Variants in USP34 observed in about 807,000 individuals in gnomAD.
USP34 encodes the protein ubiquitin carboxyl-terminal hydrolase 34.
USP34 carries 70 observed loss-of-function variants against 460.3 expected under a neutral mutation model. The ratio of observed to expected loss-of-function variants is 0.15; its 90% CI spans 0.13 to 0.19. USP34 has a LOEUF of 0.19. USP34 is among the 10% of genes least tolerant of loss of function. The pLI is 1.00. For missense variants in USP34, 3,985 were observed against 4,236.2 expected (o/e 0.94, Z 1.65); for synonymous variants, 1,647 against 1,405.3 (o/e 1.17, Z -3.85).
chr2:61,213,954 G>C, intron 68 of USP34, 106 bp downstream of exon 68: 1 of 1,325,948 alleles, frequency 7.5e-7, no homozygotes, highest in East Asian at 2.4e-5. Flanking sequence ...TCTTAAGAAA[G>C]AATGGTGAGA....
At chr2:61,460,754 G>T (rs1027717313) in intron 1 of USP34, among the ~76,000 whole-genome samples, 1 of 152,134 alleles carries the variant, frequency 6.6e-6, no homozygotes, top group African/African-American at 2.4e-5. Flanking sequence ...GGAGGCCGAG[G>T]CAAGTGGATC....
At chr2:61,311,750 G>A in intron 26 of USP34, 34 bp downstream of exon 26, 1 of 1,610,736 alleles carries the variant, frequency 6.2e-7, no homozygotes, top group Non-Finnish European at 8.5e-7. Context: ...CCTGGGAAAT[G>A]TTATCAACTT....
intron 27 of USP34, among the ~76,000 whole-genome samples, chr2:61,306,060 T>G (rs1274524293): frequency 6.6e-6 from 1 of 152,114 alleles, no homozygotes; most frequent in Non-Finnish European, 1.5e-5. Context: ...TAGTTTCTTT[T>G]GCTGTGCAGA....
chr2:61,348,899 C>T lies in USP34; in HGVS notation c.1544-13G>A. ...GCTGCAGGTGACCCTATATAAAATA[C>T]ATTTTTTGTTTTTACTTCTAATTTA... On this transcript the variant is annotated splice_polypyrimidine_tract_variant and intron_variant, in intron 13 of 79. Transcript: ENST00000398571. The T allele has an allele frequency of 6.3e-7, 1 of 1,589,082 alleles. No homozygotes were observed. The highest frequency in any genetic ancestry group is 8.5e-7 in the Non-Finnish European group (1 of 1,171,882).
intron 78 of USP34, 98 bp downstream of exon 78, chr2:61,190,173 A>ATT: frequency 6.8e-7 from 1 of 1,475,120 alleles, no homozygotes. Flanking sequence ...AGTTTGAATC[A>ATT]GTAAGTTAAA....
intron 32 of USP34, 37 bp downstream of exon 32, chr2:61,294,912 T>G: frequency 2.6e-6 from 4 of 1,542,620 alleles, no homozygotes; most frequent in Non-Finnish European, 3.5e-6. Context: ...AGATAAATTA[T>G]TTTTATCAAT....
chr2:61,358,507 C>T (rs901335033), intron 10 of USP34, among the ~76,000 whole-genome samples: 3 of 151,778 alleles, frequency 2.0e-5, no homozygotes, highest in African/African-American at 7.3e-5. Flanking sequence ...TATCAAAAAC[C>T]CACAGGCAAT....
chr2:61,315,235 A>C (rs192689636), intron 23 of USP34, among the ~76,000 whole-genome samples: 151 of 152,348 alleles, frequency 9.9e-4, no homozygotes, highest in African/African-American at 3.5e-3. Flanking sequence ...AGTCCTGAAA[A>C]ACATACTATA....
Position 61,214,840 on chromosome 2 carries a change from T to G in USP34, c.8048-146A>C, listed in dbSNP as rs1253694226. 6 of 955,782 alleles carry G rather than the reference T, an allele frequency of 6.3e-6. No individual in the cohort carries two copies. The African/African-American group carries it at 6.8e-5, about 11-fold the overall frequency. 59.2% of individuals were successfully genotyped at this position (955,782 alleles called of 1,614,324 possible). A position where few individuals can be genotyped will look rare whatever the true frequency, so the allele number is the denominator to read the frequency against. ...ACATCTCTTTTAGTATCTTTCTGCT[T>G]TCCCCTTGGCCCCACAAAAAGATCC... On this transcript the variant is annotated intron_variant, in intron 67 of 79. Transcript: ENST00000398571.
At chr2:61,449,073 C>CAT (rs1695195836) in intron 1 of USP34, among the ~76,000 whole-genome samples, 2 of 151,998 alleles carry the variant, frequency 1.3e-5, no homozygotes, top group Admixed American at 1.3e-4. Context: ...AGGAGAACTG[C>CAT]TTGAACCTGG....
chr2:61,394,405 CA>C (rs1233573090), intron 5 of USP34, among the ~76,000 whole-genome samples: 6 of 151,628 alleles, frequency 4.0e-5, no homozygotes, highest in African/African-American at 1.5e-4. Flanking sequence ...AAAAAAAGTA[CA>C]AAAATTCAGC....
rs1346862544 is a variant in USP34 at position 61,348,447 on chromosome 2, T to C, written c.1708A>G (p.Asn570Asp). The change falls in exon 15 of 80, where the codon AAC (asparagine) becomes GAC (aspartate). Residue 570 changes from asparagine (N) to aspartate (D), a missense_variant. Physicochemically the swap from Asn to Asp is conservative, Grantham distance 23 (BLOSUM62 1). Coordinates refer to ENST00000398571, the MANE Select transcript of USP34 (RefSeq NM_014709.4). ...SMQGSSDETA[N>D]SGEDGSSGPG... ...CCACTGCTTCCATCTTCACCACTGTTGGCAGTTTCGTCAGAACTTCCCTGC... is the reference window on the plus strand; with the variant it reads ...CCACTGCTTCCATCTTCACCACTGTCGGCAGTTTCGTCAGAACTTCCCTGC... The C allele has an allele frequency of 6.2e-7, 1 of 1,613,214 alleles. No individual in the cohort carries two copies. The highest frequency in any genetic ancestry group is 8.5e-7 in the Non-Finnish European group (1 of 1,179,784).
At chr2:61,214,903 T>C (rs987532468) in intron 67 of USP34, among the ~76,000 whole-genome samples, 15 of 152,198 alleles carry the variant, frequency 9.9e-5, no homozygotes, top group African/African-American at 3.1e-4. Flanking sequence ...TATTCTGCCA[T>C]TGTTATTTTT....
Position 61,190,405 on chromosome 2 carries a change from G to C in USP34, c.9739C>G (p.Gln3247Glu). 6.2e-7 allele frequency: 1 copy of C among 1,605,508 alleles called. No homozygotes were observed. The highest frequency in any genetic ancestry group is 8.5e-7 in the Non-Finnish European group (1 of 1,177,542). The change falls in exon 78 of 80, where the codon CAA becomes GAA. Residue 3247 changes from glutamine (Q) to glutamate (E), a missense_variant. Gln to Glu is a conservative substitution (Grantham distance 29). This residue lies in a region of USP34 where 506 missense variants were observed against 439.0 expected (regional missense o/e 1.15). Transcript: ENST00000398571. ...MTHFLLKVQSQVFSEANCANL... is the reference protein window; with the variant it reads ...MTHFLLKVQSEVFSEANCANL... ...GCACAGTTTGCTTCAGAAAACACTT[G>C]ACTTTGAACCTGAAAAAGAAGATTT... is the stretch of plus-strand genomic sequence containing the variant.
At chr2:61,353,394 G>GTT (rs1028464455) in intron 10 of USP34, among the ~76,000 whole-genome samples, 16 of 135,278 alleles carry the variant, frequency 1.2e-4, no homozygotes, top group Non-Finnish European at 1.2e-4. Flanking sequence ...CTAGACGAAT[G>GTT]TTTTTTTTTT....
At chr2:61,286,466 T>C (rs1357945096) in intron 34 of USP34, among the ~76,000 whole-genome samples, 1 of 152,030 alleles carries the variant, frequency 6.6e-6, no homozygotes, top group African/African-American at 2.4e-5. Context: ...GATCAGCCTG[T>C]CCAAGATGGC....
chr2:61,317,248 T>C (rs1189622316), intron 23 of USP34, among the ~76,000 whole-genome samples: 1 of 152,104 alleles, frequency 6.6e-6, no homozygotes, highest in East Asian at 1.9e-4. Flanking sequence ...AGAATTGGGC[T>C]GAGCACGTTG....
chr2:61,393,063 T>G (rs1360864125), intron 5 of USP34, among the ~76,000 whole-genome samples: 9 of 152,292 alleles, frequency 5.9e-5, no homozygotes, highest in South Asian at 2.1e-4. Flanking sequence ...TTAAAATCTT[T>G]CTCATTTTAA....
At chr2:61,395,124 T>C in intron 4 of USP34, 59 bp downstream of exon 4, 1 of 1,452,188 alleles carries the variant, frequency 6.9e-7, no homozygotes, top group Non-Finnish European at 9.4e-7. Flanking sequence ...AACATATGGA[T>C]GAGGCTTTGT....
Sources: gnomAD v4.1 joint callset for allele counts (sites outside exome capture counted in the v4.1 genomes callset) on GRCh38, gnomAD v4.1.1 for gene constraint, gnomAD v4.1.1 regional missense constraint, MANE v1.5 for transcripts, NCBI Gene and HGNC (gene_info 2026-07-23, HGNC 2026-07-21) for gene names.